Variants in IL19 observed in about 807,000 individuals in gnomAD.
IL19 encodes the protein interleukin 19.
A neutral mutation model predicts 19.5 loss-of-function variants in IL19; 15 were observed. That is an observed-to-expected ratio of 0.77 (90% CI 0.52 to 1.19). IL19 has a LOEUF of 1.19. IL19 is among the 50% of genes most tolerant of loss of function. The pLI is 0.00. For missense variants in IL19, 199 were observed against 213.1 expected, an observed-to-expected ratio of 0.93 and a Z score of 0.41; for synonymous variants, 78 against 78.3, an observed-to-expected ratio of 1.00 and a Z score of 0.02.
At chr1:206,795,798 C>A (rs1395904119) in intron 1 of IL19, among the ~76,000 whole-genome samples, 5 of 152,106 alleles carry the variant, frequency 3.3e-5, no homozygotes, top group African/African-American at 1.2e-4. Flanking sequence ...ATCAAAGACT[C>A]CCTTCTTTTT....
chr1:206,836,991 C>T lies in IL19; in HGVS notation c.178C>T (p.Leu60=). Residue 60 remains leucine (L), a synonymous_variant, in exon 4 of 7, where the codon CTG becomes TTG. Coordinates refer to ENST00000659997, the MANE Select transcript of IL19 (RefSeq NM_153758.5). ...AKDTFPNVTI[L]STLETLQIIK... ...GGACACCTTCCCAAATGTCACTATC[C>T]TGTCCACATTGGAGACTCTGCAGAT... 2 of 1,613,942 alleles carry T rather than the reference C, an allele frequency of 1.2e-6. No individual in the cohort carries two copies. Among genetic ancestry groups the T allele is most frequent in the South Asian group, 1.1e-5 (1 of 91,068 alleles).
chr1:206,779,602 G>A (rs1451917674), intron 1 of IL19, among the ~76,000 whole-genome samples: 1 of 152,170 alleles, frequency 6.6e-6, no homozygotes, highest in African/African-American at 2.4e-5. Context: ...TGTAGCAAGA[G>A]TAATTATTTC....
intron 2 of IL19, chr1:206,833,648 C>T (rs1189587574): frequency 5.1e-6 from 5 of 984,832 alleles, no homozygotes; most frequent in Admixed American, 6.1e-5. Context: ...AGTCTTCTAG[C>T]CCAAGAATAA....
chr1:206,796,724 T>C (rs1675535093), intron 1 of IL19, among the ~76,000 whole-genome samples: 1 of 152,222 alleles, frequency 6.6e-6, no homozygotes, highest in African/African-American at 2.4e-5. Context: ...TATCTTATTG[T>C]GTAAATACAC....
At chr1:206,818,817 C>CT (rs11373916) in intron 2 of IL19, among the ~76,000 whole-genome samples, 97,065 of 138,572 alleles carry the variant, frequency 0.7, 34,775 homozygotes, top group Non-Finnish European at 0.78. Flanking sequence ...CTTTTTCTTT[C>CT]TTTTTTTTTT....
chr1:206,836,610 T>A, intron 2 of IL19, 51 bp from the exon 3 acceptor site: 1 of 1,534,026 alleles, frequency 6.5e-7, no homozygotes, highest in Admixed American at 2.2e-5. Context: ...GTCTTCTTTT[T>A]CATTGCCCTC....
At chr1:206,784,324 T>C (rs556367419) in intron 1 of IL19, among the ~76,000 whole-genome samples, 6 of 152,308 alleles carry the variant, frequency 3.9e-5, no homozygotes, top group African/African-American at 1.4e-4. Context: ...GCCCCTTCTG[T>C]TCCCCTCGGC....
chr1:206,832,648 AT>A (rs773840452), intron 2 of IL19, among the ~76,000 whole-genome samples: 35 of 152,114 alleles, frequency 2.3e-4, no homozygotes, highest in African/African-American at 7.7e-4. Context: ...TGCAAATGAG[AT>A]TTTTTTTGCA....
At chr1:206,840,845 C>A (rs1161497206) in intron 5 of IL19, among the ~76,000 whole-genome samples, 159 bp from the exon 6 acceptor site, 1 of 152,206 alleles carries the variant, frequency 6.6e-6, no homozygotes, top group African/African-American at 2.4e-5. Flanking sequence ...ACTCTACAGA[C>A]AAGCTCTATT....
At chr1:206,774,309 T>C (rs1179318264) in intron 1 of IL19, among the ~76,000 whole-genome samples, 1 of 152,252 alleles carries the variant, frequency 6.6e-6, no homozygotes, top group Admixed American at 6.5e-5. Flanking sequence ...GAAACTAGTA[T>C]GGAGCTAACT....
chr1:206,829,638 T>C (rs544983350), intron 2 of IL19, among the ~76,000 whole-genome samples: 3 of 152,240 alleles, frequency 2.0e-5, no homozygotes. Flanking sequence ...GCTGGGAGTT[T>C]TAGACTGGAG....
chr1:206,798,453 C>T (rs1675582725), intron 1 of IL19, among the ~76,000 whole-genome samples: 1 of 152,108 alleles, frequency 6.6e-6, no homozygotes, highest in African/African-American at 2.4e-5. Context: ...CCCACCTTCC[C>T]ACCCCCAAGT....
At chr1:206,821,196 G>A (rs564543643) in intron 2 of IL19, among the ~76,000 whole-genome samples, 1 of 152,314 alleles carries the variant, frequency 6.6e-6, no homozygotes, top group East Asian at 1.9e-4. Context: ...TGCTCAATCT[G>A]TTGAATCAAT....
At chr1:206,834,257 A>T in intron 2 of IL19, 1 of 985,466 alleles carries the variant, frequency 1.0e-6, no homozygotes, top group Non-Finnish European at 1.2e-6. Flanking sequence ...AAGGGGAAAA[A>T]ACAATCTCCC....
chr1:206,771,293 A>T, intron 1 of IL19: 1 of 1,441,260 alleles, frequency 6.9e-7, no homozygotes, highest in Non-Finnish European at 9.8e-7. Context: ...GCAATCAGGA[A>T]GCAGAGTCTC....
chr1:206,772,483 C>T (rs756344226), intron 1 of IL19: 3 of 1,582,590 alleles, frequency 1.9e-6, no homozygotes, highest in Non-Finnish European at 2.6e-6. Context: ...CAAGAGCAAG[C>T]CCCTGATGTG....
chr1:206,815,884 T>C (rs1292156611), intron 2 of IL19, among the ~76,000 whole-genome samples: 1 of 152,182 alleles, frequency 6.6e-6, no homozygotes, highest in Non-Finnish European at 1.5e-5. Context: ...TTTAGCAAAA[T>C]GATGTACAGC....
At chr1:206,801,609 T>C (rs1338872023) in intron 2 of IL19, among the ~76,000 whole-genome samples, 1 of 152,246 alleles carries the variant, frequency 6.6e-6, no homozygotes, top group African/African-American at 2.4e-5. Flanking sequence ...TGTGTCTCTA[T>C]AAAGGCTTCT....
Position 206,839,958 on chromosome 1 carries a change from A to G in IL19, c.319A>G (p.Ile107Val), listed in dbSNP as rs759238068. ...NPKILRKISS[I>V]ANSFLYMQKT... is the part of the protein sequence containing the mutation. ...CAAAATCTTGAGAAAAATCAGCAGC[A>G]TTGCCAACTCTTTCCTCTACATGCA... The change falls in exon 5 of 7, where the codon ATT (isoleucine) becomes GTT (valine). Residue 107 changes from isoleucine to valine, a missense_variant. Physicochemically the swap from Ile to Val is conservative, Grantham distance 29. Transcript: ENST00000659997. 3.6e-5 allele frequency: 58 copies of G among 1,614,092 alleles called. No individual in the cohort carries two copies. Among genetic ancestry groups the G allele is most frequent in the Non-Finnish European group, 4.6e-5 (54 of 1,180,052 alleles).
Sources: allele counts gnomAD v4.1 joint callset (sites outside exome capture counted in the v4.1 genomes callset), GRCh38; gene constraint gnomAD v4.1.1; transcripts MANE v1.5; gene names NCBI Gene and HGNC (gene_info 2026-07-23, HGNC 2026-07-21).